The following GTF2B variants were observed in gnomAD, a reference collection of about 807,000 sequenced individuals.
GTF2B encodes transcription initiation factor IIB.
In GTF2B, 20 loss-of-function variants were observed where a neutral mutation model predicts 34.6. The ratio of observed to expected loss-of-function variants is 0.58; its 90% confidence interval spans 0.41 to 0.84. The LOEUF (loss-of-function observed/expected upper bound fraction) is 0.84, where lower values mean the gene tolerates loss of function less well. Ranked by LOEUF, GTF2B falls within the 40% of genes least tolerant of loss-of-function variation. The pLI is 0.00. For synonymous variants in GTF2B, 142 were observed against 132.4 expected (o/e 1.07, Z -0.50); for missense variants, 237 against 393.3 (o/e 0.60, Z 3.36).
rs1309884246 is a variant in GTF2B, at chr1:88,852,985, AAAAT to A, written c.*224_*227del. On this transcript the variant is annotated 3_prime_UTR_variant, in exon 7 of 7. Coordinates refer to ENST00000370500, the MANE Select transcript of GTF2B (RefSeq NM_001514.6). ...AATTACATAATTTCAAATATCTTCCAAAATACAGTTTCCTAGATTGCTACAAAAG... is the reference window on the plus strand; with the variant it reads ...AATTACATAATTTCAAATATCTTCCAACAGTTTCCTAGATTGCTACAAAAG... 1 of 446,674 alleles carries A rather than the reference AAAAT, an allele frequency of 2.2e-6. No individual in the cohort carries two copies. Among genetic ancestry groups the A allele is most frequent in the Non-Finnish European group, 4.0e-6 (1 of 252,172 alleles). The allele number at this position is 446,674 out of a possible 1,614,324, so 27.7% of individuals were successfully genotyped here.
At chr1:88,854,458 T>G (rs1433726351) in intron 6 of GTF2B, among the ~76,000 whole-genome samples, 2 of 152,204 alleles carry the variant, frequency 1.3e-5, no homozygotes, top group African/African-American at 4.8e-5. Context: ...CTACAATGTT[T>G]GGTTAAGTAT....
rs145376685 is a variant in GTF2B, at chr1:88,865,844, A to C, written c.125-1730T>G. Among the ~76,000 whole-genome samples the C allele has an allele frequency of 3.7e-3, 553 of 147,512 alleles. 5 individuals carry two copies. Among genetic ancestry groups the C allele is most frequent in the African/African-American group, 0.014 (528 of 37,240 alleles). On this transcript the variant is annotated intron_variant, in intron 2 of 6. Coordinates refer to ENST00000370500, the MANE Select transcript of GTF2B (RefSeq NM_001514.6). Reference sequence around the variant, plus strand: ...AACAAGAGTGAAACTCCATCTCAAAAAAAAAACAAAACAAAACAAACAAAC... The same window carrying C: ...AACAAGAGTGAAACTCCATCTCAAACAAAAAACAAAACAAAACAAACAAAC...
chr1:88,875,586 GTTTC>G (rs1190946958), intron 2 of GTF2B, among the ~76,000 whole-genome samples: 1 of 152,140 alleles, frequency 6.6e-6, no homozygotes, highest in Non-Finnish European at 1.5e-5. Flanking sequence ...TATGGCATAG[GTTTC>G]TTTTTCTCTT....
intron 1 of GTF2B, among the ~76,000 whole-genome samples, chr1:88,891,062 T>C (rs1163858715): frequency 4.7e-5 from 6 of 126,748 alleles, no homozygotes; most frequent in Admixed American, 9.9e-5. Flanking sequence ...TCCCGTTCCT[T>C]TGAAAAGGAG....
intron 1 of GTF2B, chr1:88,887,731 G>T: frequency 4.2e-6 from 1 of 236,436 alleles, no homozygotes; most frequent in Non-Finnish European, 8.3e-6. Flanking sequence ...TCCAGTTTGT[G>T]CTCTTTGCCA....
chr1:88,864,343 G>C (rs1360528319), intron 2 of GTF2B, among the ~76,000 whole-genome samples: 1 of 152,024 alleles, frequency 6.6e-6, no homozygotes, highest in African/African-American at 2.4e-5. Context: ...TCTAACTCTT[G>C]GAAGAAAAAG....
At chr1:88,865,280 T>C (rs964322766) in intron 2 of GTF2B, among the ~76,000 whole-genome samples, 1 of 152,246 alleles carries the variant, frequency 6.6e-6, no homozygotes, top group Non-Finnish European at 1.5e-5. Flanking sequence ...GCTATTATAA[T>C]ACCCATGTAC....
intron 2 of GTF2B, among the ~76,000 whole-genome samples, chr1:88,882,881 G>A (rs1312271628): frequency 6.6e-6 from 1 of 152,132 alleles, no homozygotes; most frequent in Non-Finnish European, 1.5e-5. Context: ...ACCAACTGAA[G>A]GTTAGATGGA....
chr1:88,853,205 G>T lies in GTF2B; in HGVS notation c.*8C>A. 1 of 1,613,162 alleles carries T rather than the reference G, an allele frequency of 6.2e-7. No individual in the cohort carries two copies. On this transcript the variant is annotated 3_prime_UTR_variant, in exon 7 of 7. Coordinates refer to ENST00000370500, the MANE Select transcript of GTF2B (RefSeq NM_001514.6). ...TGTATTCAAGAATTTGACGTTAGCT[G>T]CCTCAATTTATAGCTGTGGTAGTTT...
intron 2 of GTF2B, among the ~76,000 whole-genome samples, chr1:88,882,660 T>C (rs1028179835): frequency 9.2e-5 from 14 of 152,226 alleles, no homozygotes; most frequent in African/African-American, 3.4e-4. Flanking sequence ...CAATGACAAA[T>C]GTTCATGTGT....
At chr1:88,869,961 C>T (rs1007004498) in intron 2 of GTF2B, among the ~76,000 whole-genome samples, 1 of 149,706 alleles carries the variant, frequency 6.7e-6, no homozygotes, top group Non-Finnish European at 1.5e-5. Context: ...GGAGTTTCGC[C>T]CTGTCACCCA....
intron 5 of GTF2B, 92 bp from the exon 6 acceptor site, chr1:88,857,579 T>G: frequency 1.5e-6 from 1 of 660,146 alleles, no homozygotes; most frequent in Non-Finnish European, 2.6e-6. Context: ...TAATATACAT[T>G]CTAATTGTAA....
In GTF2B at chr1:88,853,037, C is replaced by A. The variant is rs1673226142; in HGVS notation, c.*176G>T. 3.7e-6 allele frequency: 2 copies of A among 535,796 alleles called. No homozygotes were observed. The highest frequency in any genetic ancestry group is 3.3e-6 in the Non-Finnish European group (1 of 302,146). 33.2% of individuals were successfully genotyped at this position (535,796 alleles called of 1,614,324 possible). On this transcript the variant is annotated 3_prime_UTR_variant, in exon 7 of 7. Coordinates refer to ENST00000370500, the MANE Select transcript of GTF2B (RefSeq NM_001514.6). ...AAGAAATTTGATAAGAAATTTAAAT[C>A]ATTAAATATGTTTCACTAGTATATA...
intron 2 of GTF2B, among the ~76,000 whole-genome samples, chr1:88,875,460 C>T (rs1050865867): frequency 2.6e-5 from 4 of 152,138 alleles, no homozygotes; most frequent in Non-Finnish European, 4.4e-5. Flanking sequence ...ACAAGTAGGT[C>T]GATAGGAGCA....
At chr1:88,856,277 A>AAAAC (rs1673305659) in intron 6 of GTF2B, among the ~76,000 whole-genome samples, 2 of 126,802 alleles carry the variant, frequency 1.6e-5, no homozygotes, top group Non-Finnish European at 3.4e-5. Flanking sequence ...AAAAACAAAA[A>AAAAC]AAAAAAAAAA....
intron 2 of GTF2B, among the ~76,000 whole-genome samples, chr1:88,879,261 G>C (rs560406929): frequency 1.9e-4 from 29 of 151,946 alleles, no homozygotes; most frequent in Non-Finnish European, 2.2e-4. Context: ...ATATACTTTT[G>C]GTATTATGAA....
chr1:88,854,926 C>A (rs1416602065), intron 6 of GTF2B, among the ~76,000 whole-genome samples: 2 of 152,232 alleles, frequency 1.3e-5, no homozygotes, highest in Non-Finnish European at 2.9e-5. Flanking sequence ...CCGTATCTCA[C>A]ACTGCATTAC....
chr1:88,852,890 G>A lies in GTF2B; in HGVS notation c.*323C>T, dbSNP rs1282620858. 1 of 239,402 alleles carries A rather than the reference G, an allele frequency of 4.2e-6. No homozygotes were observed. The highest frequency in any genetic ancestry group is 8.2e-6 in the Non-Finnish European group (1 of 122,218). The allele number at this position is 239,402 out of a possible 1,614,324, so 14.8% of individuals were successfully genotyped here. A position where few individuals can be genotyped will look rare whatever the true frequency, so the allele number is the denominator to read the frequency against. Reference sequence around the variant, plus strand: ...TTAGCTGCAATGATTTGCATTATTTGTAATTATGTATCATAAGTTACATGT... The same window carrying A: ...TTAGCTGCAATGATTTGCATTATTTATAATTATGTATCATAAGTTACATGT... On this transcript the variant is annotated 3_prime_UTR_variant, in exon 7 of 7. Coordinates refer to ENST00000370500, the MANE Select transcript of GTF2B (RefSeq NM_001514.6).
chr1:88,856,617 G>A (rs1048528676), intron 6 of GTF2B, among the ~76,000 whole-genome samples: 7 of 151,942 alleles, frequency 4.6e-5, no homozygotes, highest in Non-Finnish European at 8.8e-5. Context: ...TGATCAGGAG[G>A]AATATATTCA....
Sources: allele counts gnomAD v4.1 joint callset (sites outside exome capture counted in the v4.1 genomes callset), GRCh38; gene constraint gnomAD v4.1.1; transcripts MANE v1.5; gene names NCBI Gene and HGNC (gene_info 2026-07-23, HGNC 2026-07-21).